The following PRKACB variants were observed in gnomAD, a reference collection of about 807,000 sequenced individuals.
PRKACB encodes the protein cAMP-dependent protein kinase catalytic subunit beta.
Under a neutral mutation model 51.4 loss-of-function variants are expected in PRKACB, and 16 were observed. That is an observed-to-expected ratio of 0.31 (90% CI 0.21 to 0.47). The LOEUF is 0.47. PRKACB is among the 20% of genes least tolerant of loss of function. The probability of loss-of-function intolerance (pLI) is 1.00; values close to 1 mark genes in which losing one functional copy is unlikely to be tolerated. For synonymous variants in PRKACB, 147 were observed against 154.4 expected (o/e 0.95, Z 0.35); for missense variants, 309 against 464.5 (o/e 0.67, Z 3.08).
At position 84,078,431 on chromosome 1, in the gene PRKACB, C is replaced by T. The variant is rs1647258819; in HGVS notation, c.46+60C>T. 5.1e-6 allele frequency: 8 copies of T among 1,581,284 alleles called. No homozygotes were observed. The South Asian group carries it at 5.7e-5, about 11-fold the overall frequency. ...CGGGCCGGCGCGGGGCACCGAGCGCCCTCCGGGTCGCAGCTTCTGAGGCCG... is the reference window on the plus strand; with the variant it reads ...CGGGCCGGCGCGGGGCACCGAGCGCTCTCCGGGTCGCAGCTTCTGAGGCCG... On this transcript the variant is annotated intron_variant, in intron 1 of 8. Transcript: ENST00000370688.
At chr1:84,140,008 C>T (rs11163909), upstream of PRKACB, among the ~76,000 whole-genome samples, 3,344 of 151,948 alleles carry the variant, frequency 0.022, 119 homozygotes, top group African/African-American at 0.076. Flanking sequence ...TGCAGTGAGT[C>T]GAAATGACAC....
intron 1 of PRKACB, among the ~76,000 whole-genome samples, chr1:84,131,669 G>C (rs1045999106): frequency 1.3e-5 from 2 of 152,162 alleles, no homozygotes; most frequent in Admixed American, 1.3e-4. Context: ...CTGAAATCTG[G>C]AGAGAAAAGC....
At position 84,237,185 on chromosome 1, in the gene PRKACB, G is replaced by A. The variant is rs938167558; in HGVS notation, c.*1880G>A. 1.3e-5 allele frequency: 2 copies of A among 152,550 alleles called. No homozygotes were observed. The highest frequency in any genetic ancestry group is 2.4e-5 in the African/African-American group (1 of 41,444). The allele number at this position is 152,550 out of a possible 1,614,324, so 9.4% of individuals were successfully genotyped here. On this transcript the variant is annotated 3_prime_UTR_variant, in exon 10 of 10. Transcript: ENST00000370685. The stretch of plus-strand genomic sequence containing the variant: ...AAAATACTCTGCTCTAGCAAGTTTT[G>A]TGTAACAAAGGCATATCGTCATGTT...
upstream of PRKACB, among the ~76,000 whole-genome samples, chr1:84,140,311 A>G (rs1235157304): frequency 1.3e-5 from 2 of 152,214 alleles, no homozygotes; most frequent in Non-Finnish European, 2.9e-5. Context: ...ATTTAGCCAT[A>G]TAAATGAGTG....
intron 1 of PRKACB, among the ~76,000 whole-genome samples, chr1:84,163,265 C>T (rs2100711425): frequency 6.6e-6 from 1 of 152,092 alleles, no homozygotes; most frequent in South Asian, 2.1e-4. Context: ...TTGTCATTAC[C>T]TCCTAGTCAG....
chr1:84,157,575 C>G (rs1655662553), intron 1 of PRKACB, among the ~76,000 whole-genome samples: 1 of 152,156 alleles, frequency 6.6e-6, no homozygotes, highest in South Asian at 2.1e-4. Flanking sequence ...TCACCTCAAT[C>G]TCAGATAAAC....
At chr1:84,199,814 G>T (rs1156864195) in intron 7 of PRKACB, among the ~76,000 whole-genome samples, 1 of 150,336 alleles carries the variant, frequency 6.7e-6, no homozygotes, top group Admixed American at 6.7e-5. Context: ...GCCAGCATCT[G>T]TTATTTTTTG....
At chr1:84,144,694 C>A in intron 1 of PRKACB, 146 bp downstream of exon 1, 1 of 847,666 alleles carries the variant, frequency 1.2e-6, no homozygotes, top group Non-Finnish European at 1.7e-6. Flanking sequence ...GAAAGAATTC[C>A]ATAAAAACTT....
intron 7 of PRKACB, among the ~76,000 whole-genome samples, chr1:84,199,308 T>G (rs1286170189): frequency 6.6e-6 from 1 of 151,902 alleles, no homozygotes; most frequent in Non-Finnish European, 1.5e-5. Flanking sequence ...CCTCCCTACC[T>G]CCACCCTCAA....
chr1:84,235,140 T>G, intron 9 of PRKACB, 40 bp from the exon 10 acceptor site: 1 of 1,571,608 alleles, frequency 6.4e-7, no homozygotes, highest in Non-Finnish European at 8.6e-7. Context: ...CAGGAATTTT[T>G]TTTTCCTTTT....
At chr1:84,086,252 G>T in intron 1 of PRKACB, 1 of 1,526,944 alleles carries the variant, frequency 6.5e-7, no homozygotes, top group Non-Finnish European at 9.1e-7. Context: ...GACAAGTCCT[G>T]GTTCCCTTGC....
intron 9 of PRKACB, among the ~76,000 whole-genome samples, chr1:84,234,390 A>C (rs1166548218): frequency 1.3e-5 from 2 of 152,214 alleles, no homozygotes; most frequent in African/African-American, 4.8e-5. Flanking sequence ...CTGCCCCCAG[A>C]GGTGGAGCTT....
At chr1:84,201,929 A>G (rs957412367) in intron 7 of PRKACB, among the ~76,000 whole-genome samples, 4 of 152,090 alleles carry the variant, frequency 2.6e-5, no homozygotes, top group Non-Finnish European at 5.9e-5. Flanking sequence ...AATATGAAAA[A>G]AACAAACATA....
intron 1 of PRKACB, among the ~76,000 whole-genome samples, chr1:84,167,193 A>G (rs1486324830): frequency 6.6e-6 from 1 of 151,616 alleles, no homozygotes; most frequent in Non-Finnish European, 1.5e-5. Context: ...TTCCAGTTTT[A>G]TATCCTTCCA....
chr1:84,081,765 T>C (rs1647554014), intron 1 of PRKACB, among the ~76,000 whole-genome samples: 1 of 152,192 alleles, frequency 6.6e-6, no homozygotes, highest in Admixed American at 6.5e-5. Flanking sequence ...CCTATGGGGC[T>C]TTGTGTTATA....
At chr1:84,170,866 TTATAGA>T (rs1659222372) in intron 1 of PRKACB, among the ~76,000 whole-genome samples, 1 of 151,658 alleles carries the variant, frequency 6.6e-6, no homozygotes, top group East Asian at 1.9e-4. Flanking sequence ...AGGAGAAATT[TTATAGA>T]TATAGATAGA....
At chr1:84,231,242 G>T (rs1413528554) in intron 9 of PRKACB, among the ~76,000 whole-genome samples, 6 of 152,098 alleles carry the variant, frequency 3.9e-5, no homozygotes, top group Non-Finnish European at 7.4e-5. Flanking sequence ...TCCATATATT[G>T]AACCAGCCTT....
At chr1:84,196,233 T>G (rs180683032) in intron 5 of PRKACB, among the ~76,000 whole-genome samples, 1 of 152,304 alleles carries the variant, frequency 6.6e-6, no homozygotes, top group East Asian at 1.9e-4. Flanking sequence ...GAAAAGTAGA[T>G]GGAGCCTGTT....
intron 1 of PRKACB, among the ~76,000 whole-genome samples, chr1:84,105,997 AAAT>A (rs201231284): frequency 3.9e-5 from 3 of 77,710 alleles, no homozygotes; most frequent in Non-Finnish European, 7.9e-5. Flanking sequence ...AATAAAGTAG[AAAT>A]AATAATAACT....
Sources: allele counts gnomAD v4.1 joint callset (sites outside exome capture counted in the v4.1 genomes callset), GRCh38; gene constraint gnomAD v4.1.1; transcripts MANE v1.5; gene names NCBI Gene and HGNC (gene_info 2026-07-23, HGNC 2026-07-21).